GYPE: variants seen among roughly 807,000 people sequenced by gnomAD.
GYPE encodes the protein glycophorin E (MNS blood group), also known as glycophorin-E.
Under a neutral mutation model 11.6 loss-of-function variants are expected in GYPE, and 8 were observed. The observed-to-expected ratio is 0.69, with a 90% confidence interval of 0.41 to 1.25. GYPE has a LOEUF of 1.25. Ranked by LOEUF, GYPE falls within the 50% of genes most tolerant of loss-of-function variation. The pLI is 0.01. For missense variants in GYPE, 90 were observed against 92.8 expected, an observed-to-expected ratio of 0.97 and a Z score of 0.12; for synonymous variants, 28 against 29.6, an observed-to-expected ratio of 0.94 and a Z score of 0.18.
intron 2 of GYPE, among the ~76,000 whole-genome samples, 177 bp downstream of exon 2, chr4:143,880,234 T>C (rs1464108471): frequency 6.6e-6 from 1 of 152,224 alleles, no homozygotes; most frequent in Admixed American, 6.5e-5. Flanking sequence ...CTGTGAGATA[T>C]TTCAGAGGCA....
At chr4:143,877,523 T>G (rs564297387) in intron 2 of GYPE, among the ~76,000 whole-genome samples, 1 of 152,220 alleles carries the variant, frequency 6.6e-6, no homozygotes, top group Non-Finnish European at 1.5e-5. Context: ...AAGTAAGAGA[T>G]ATTTCCATAT....
intron 1 of GYPE, among the ~76,000 whole-genome samples, chr4:143,903,213 AT>A (rs1343730981): frequency 2.0e-5 from 3 of 151,730 alleles, no homozygotes; most frequent in Non-Finnish European, 4.4e-5. Flanking sequence ...TTTTTATCTT[AT>A]TTTAATAAGA....
In GYPE at chr4:143,875,216, T is replaced by G. The variant is rs1038096965; in HGVS notation, c.*9+1530A>C. ...TTCTGCATGTTCTCTGCTGTTGGCT[T>G]TGTTCAGACCCTTCTTTCTTCTCAT... is the stretch of plus-strand genomic sequence containing the variant. On this transcript the variant is annotated intron_variant, in intron 3 of 3. Coordinates refer to ENST00000358615, the MANE Select transcript of GYPE (RefSeq NM_198682.3). 61 of 363,134 alleles carry G rather than the reference T, an allele frequency of 1.7e-4. 1 individual carries two copies. Among genetic ancestry groups the G allele is most frequent in the Admixed American group, 1.6e-3 (40 of 25,730 alleles). The allele number at this position is 363,134 out of a possible 1,614,324, so 22.5% of individuals were successfully genotyped here. A position where few individuals can be genotyped will look rare whatever the true frequency, so the allele number is the denominator to read the frequency against.
intron 1 of GYPE, among the ~76,000 whole-genome samples, chr4:143,902,068 A>G (rs13148740): frequency 6.6e-6 from 1 of 151,938 alleles, no homozygotes; most frequent in Non-Finnish European, 1.5e-5. Context: ...CTTTATTGAA[A>G]AGGCACAAGA....
intron 1 of GYPE, among the ~76,000 whole-genome samples, chr4:143,889,402 G>A (rs1164537691): frequency 6.6e-6 from 1 of 152,078 alleles, no homozygotes; most frequent in Non-Finnish European, 1.5e-5. Context: ...GGAGAGCAGA[G>A]TTCTATTCCT....
intron 3 of GYPE, among the ~76,000 whole-genome samples, chr4:143,874,691 C>A (rs867450504): frequency 2.0e-5 from 3 of 152,304 alleles, no homozygotes; most frequent in East Asian, 1.9e-4. Flanking sequence ...AGGAAACGTG[C>A]TGCACATTGG....
chr4:143,903,432 GGAA>G (rs1457811672), intron 1 of GYPE, among the ~76,000 whole-genome samples: 4 of 144,176 alleles, frequency 2.8e-5, no homozygotes, highest in Non-Finnish European at 6.0e-5. Context: ...TTCTCCATTT[GGAA>G]GAAGATCTCT....
chr4:143,871,112 C>A lies in GYPE; in HGVS notation c.*1150G>T, dbSNP rs1743606269. On this transcript the variant is annotated 3_prime_UTR_variant, in exon 4 of 4. Coordinates refer to ENST00000358615, the MANE Select transcript of GYPE (RefSeq NM_198682.3). ...ACCGCAATGATTCAAGTACCTCCCA[C>A]TGGGTTCCTCCCATGACATGTGGGG... 6.7e-6 allele frequency: 1 copy of A among 150,140 alleles called. No homozygotes were observed. The highest frequency in any genetic ancestry group is 1.5e-5 in the Non-Finnish European group (1 of 68,024). The allele number at this position is 150,140 out of a possible 1,614,324, so 9.3% of individuals were successfully genotyped here. A position where few individuals can be genotyped will look rare whatever the true frequency, so the allele number is the denominator to read the frequency against.
chr4:143,894,075 G>A (rs1243635795), intron 1 of GYPE, among the ~76,000 whole-genome samples: 5 of 151,944 alleles, frequency 3.3e-5, no homozygotes, highest in Non-Finnish European at 5.9e-5. Context: ...TTCCATCACT[G>A]ATACCCTTTC....
At chr4:143,883,242 G>A (rs1744108504) in intron 1 of GYPE, among the ~76,000 whole-genome samples, 1 of 151,890 alleles carries the variant, frequency 6.6e-6, no homozygotes, top group Admixed American at 6.6e-5. Context: ...TCTTGTTCCA[G>A]GCATGTAAGA....
chr4:143,904,803 T>C (rs1744999746), intron 1 of GYPE, among the ~76,000 whole-genome samples: 1 of 152,200 alleles, frequency 6.6e-6, no homozygotes, highest in Non-Finnish European at 1.5e-5. Context: ...GCCAAAATCA[T>C]GTTTATTTAA....
At chr4:143,901,456 C>G (rs887657263) in intron 1 of GYPE, among the ~76,000 whole-genome samples, 1 of 122,864 alleles carries the variant, frequency 8.1e-6, no homozygotes, top group African/African-American at 2.9e-5. Context: ...TCCCAACACT[C>G]AGAGATACAC....
chr4:143,905,390 A>C, intron 1 of GYPE, 81 bp downstream of exon 1: 1 of 1,602,136 alleles, frequency 6.2e-7, no homozygotes. Flanking sequence ...AATAAGATAG[A>C]ACTAAAATAG....
intron 3 of GYPE, among the ~76,000 whole-genome samples, chr4:143,875,090 A>G (rs970170158): frequency 6.6e-6 from 1 of 152,136 alleles, no homozygotes; most frequent in African/African-American, 2.4e-5. Flanking sequence ...CACCTTGGGT[A>G]CTTGACTGAA....
chr4:143,893,884 T>G (rs1241116186), intron 1 of GYPE, among the ~76,000 whole-genome samples: 1 of 152,182 alleles, frequency 6.6e-6, no homozygotes, highest in African/African-American at 2.4e-5. Context: ...GAAGTTCTCC[T>G]GGATAATATC....
rs1239086543 is a variant in GYPE, at chr4:143,905,335, C to T, written c.37+136G>A. On this transcript the variant is annotated intron_variant, in intron 1 of 3. Coordinates refer to ENST00000358615, the MANE Select transcript of GYPE (RefSeq NM_198682.3). Reference sequence around the variant, plus strand: ...TTGGTAGCTGAGTTCCAGTAAAATCCATCCACCAGACTGGAAGAGGAAATA... The same window carrying T: ...TTGGTAGCTGAGTTCCAGTAAAATCTATCCACCAGACTGGAAGAGGAAATA... 2.8e-6 allele frequency: 4 copies of T among 1,407,410 alleles called. No homozygotes were observed. The African/African-American group carries it at 5.8e-5, about 20-fold the overall frequency. 87.2% of individuals were successfully genotyped at this position (1,407,410 alleles called of 1,614,324 possible).
intron 1 of GYPE, among the ~76,000 whole-genome samples, chr4:143,900,543 C>G (rs1481070074): frequency 7.0e-6 from 1 of 142,768 alleles, no homozygotes; most frequent in African/African-American, 2.6e-5. Flanking sequence ...AAATTTTAAT[C>G]AAATGATGGA....
intron 3 of GYPE, among the ~76,000 whole-genome samples, chr4:143,872,703 A>G (rs1743657667): frequency 6.6e-6 from 1 of 152,208 alleles, no homozygotes; most frequent in Admixed American, 6.5e-5. Context: ...TACAGTCATC[A>G]GAATTTTCCT....
intron 1 of GYPE, among the ~76,000 whole-genome samples, chr4:143,897,263 A>C (rs1250958702): frequency 3.3e-5 from 5 of 152,244 alleles, no homozygotes; most frequent in Admixed American, 3.3e-4. Flanking sequence ...CAGGAGCTCG[A>C]GACCACCCTG....
Sources: allele counts gnomAD v4.1 joint callset (sites outside exome capture counted in the v4.1 genomes callset), GRCh38; gene constraint gnomAD v4.1.1; transcripts MANE v1.5; gene names NCBI Gene and HGNC (gene_info 2026-07-23, HGNC 2026-07-21).